The following UGGT2 variants were observed in gnomAD, a reference collection of about 807,000 sequenced individuals.
The protein encoded by UGGT2 is UDP-glucose glycoprotein glucosyltransferase 2, also known as UDP-glucose:glycoprotein glucosyltransferase 2.
Under a neutral mutation model 192.1 loss-of-function variants are expected in UGGT2, and 180 were observed. The observed-to-expected ratio is 0.94, with a 90% CI of 0.83 to 1.06. The LOEUF (loss-of-function observed/expected upper bound fraction) is 1.06, where lower values mean the gene tolerates loss of function less well. Among genes scored for constraint, UGGT2 ranks in the 50% least tolerant of loss-of-function variants. The pLI is 0.00. For synonymous variants in UGGT2, 580 were observed against 591.0 expected (o/e 0.98, Z 0.27); for missense variants, 1,849 against 1,795.7 (o/e 1.03, Z -0.54).
rs999900142 is a variant in UGGT2, at chr13:95,882,965, AT to A, written c.3228+1525del. On this transcript the variant is annotated intron_variant, in intron 27 of 38. Transcript: ENST00000376747. ...CTGACTGATCATGGAAAAAACAGCGATTTTTTTTTTCACTTCTTATAAGATT... is the reference window on the plus strand; with the variant it reads ...CTGACTGATCATGGAAAAAACAGCGATTTTTTTTTCACTTCTTATAAGATT... 1.0e-4 allele frequency among the ~76,000 whole-genome samples: 15 copies of A among 150,022 alleles called. No homozygotes were observed. The South Asian group carries it at 1.3e-3, about 13-fold the overall frequency.
intron 10 of UGGT2, among the ~76,000 whole-genome samples, chr13:95,974,069 A>C (rs2050861446): frequency 6.6e-6 from 1 of 152,210 alleles, no homozygotes; most frequent in Admixed American, 6.5e-5. Context: ...AGATTCAGAG[A>C]AAGCTTGACA....
intron 12 of UGGT2, among the ~76,000 whole-genome samples, chr13:95,965,456 T>C (rs9562002): frequency 0.38 from 58,073 of 151,152 alleles, 11,514 homozygotes; most frequent in Middle Eastern, 0.46. Flanking sequence ...ATGGATGAAA[T>C]TGGAAATCAT....
Position 95,970,124 on chromosome 13 carries a change from A to G in UGGT2, c.1323T>C (p.His441=). The G allele has an allele frequency of 6.2e-7, 1 of 1,607,532 alleles. No homozygotes were observed. The highest frequency in any genetic ancestry group is 8.5e-7 in the Non-Finnish European group (1 of 1,174,590). ...CATAAGCACTTACCATTATAGAAGA[A>G]TGTCGAATATCTAATACATAAGTAT... ...WEYTYVLDIR[H]SSIMWINDLE... is the part of the protein sequence containing the mutation. Residue 441 remains histidine (H), a synonymous_variant, in exon 12 of 39, where the codon CAT becomes CAC. Coordinates refer to ENST00000376747, the MANE Select transcript of UGGT2 (RefSeq NM_020121.4).
intron 4 of UGGT2, among the ~76,000 whole-genome samples, chr13:96,015,460 T>C (rs1038776209): frequency 3.3e-5 from 5 of 152,104 alleles, no homozygotes; most frequent in Non-Finnish European, 5.9e-5. Flanking sequence ...CCTGTACCTA[T>C]AGACACATAA....
intron 38 of UGGT2, among the ~76,000 whole-genome samples, chr13:95,831,615 AGTG>A (rs1474526360): frequency 6.6e-6 from 1 of 152,052 alleles, no homozygotes; most frequent in Non-Finnish European, 1.5e-5. Flanking sequence ...AGTTTGTTGA[AGTG>A]AATTGCTGGG....
intron 1 of UGGT2, among the ~76,000 whole-genome samples, chr13:96,033,280 G>T (rs1224966508): frequency 6.6e-6 from 1 of 152,200 alleles, no homozygotes; most frequent in Non-Finnish European, 1.5e-5. Context: ...GTCTAGAGTG[G>T]CAGCTGCAAA....
intron 16 of UGGT2, among the ~76,000 whole-genome samples, chr13:95,938,047 CT>C (rs1247632449): frequency 6.6e-6 from 1 of 152,144 alleles, no homozygotes; most frequent in Non-Finnish European, 1.5e-5. Flanking sequence ...GGGAATTTCC[CT>C]GCACAAGTTC....
intron 17 of UGGT2, among the ~76,000 whole-genome samples, chr13:95,929,638 C>T (rs959257794): frequency 2.0e-5 from 3 of 152,094 alleles, no homozygotes; most frequent in African/African-American, 4.8e-5. Flanking sequence ...TTAATGGGTG[C>T]GTAGTATTCC....
intron 22 of UGGT2, among the ~76,000 whole-genome samples, chr13:95,897,139 G>C (rs2047969609): frequency 6.6e-6 from 1 of 151,930 alleles, no homozygotes; most frequent in African/African-American, 2.4e-5. Context: ...CTCTGTGTTT[G>C]GGTTCCTTCT....
At chr13:95,910,668 T>C (rs147963319) in intron 20 of UGGT2, among the ~76,000 whole-genome samples, 3 of 152,166 alleles carry the variant, frequency 2.0e-5, no homozygotes, top group East Asian at 1.9e-4. Flanking sequence ...CTGTCAATAT[T>C]AGACAGATCA....
intron 2 of UGGT2, among the ~76,000 whole-genome samples, chr13:96,025,807 A>C (rs1409753628): frequency 6.6e-6 from 1 of 152,236 alleles, no homozygotes; most frequent in Non-Finnish European, 1.5e-5. Flanking sequence ...ACAAATAAGA[A>C]CTAGAAAGAA....
At chr13:95,986,512 C>T in intron 8 of UGGT2, 80 bp from the exon 9 acceptor site, 1 of 1,006,798 alleles carries the variant, frequency 9.9e-7, no homozygotes, top group South Asian at 1.5e-5. Flanking sequence ...AAATACTTGA[C>T]TCAATTCTTC....
chr13:95,825,181 T>C (rs947292720), intron 38 of UGGT2, among the ~76,000 whole-genome samples: 27 of 152,144 alleles, frequency 1.8e-4, no homozygotes, highest in African/African-American at 6.3e-4. Flanking sequence ...TCCCCTGTGG[T>C]GTGCACTTTT....
intron 13 of UGGT2, among the ~76,000 whole-genome samples, chr13:95,948,442 T>C (rs942280501): frequency 5.3e-5 from 8 of 152,054 alleles, no homozygotes; most frequent in African/African-American, 1.9e-4. Context: ...CAAAAGGAAA[T>C]AGAGATTGAA....
In UGGT2 at chr13:96,017,571, A is replaced by G. The variant is rs114458743; in HGVS notation, c.486-4090T>C. On this transcript the variant is annotated intron_variant, in intron 4 of 38. Transcript: ENST00000376747. ...CTTTATAGTAACACAAAAACAGCCT[A>G]ACACATAAAATCGGTACATACCAGT... Among the ~76,000 whole-genome samples the G allele has an allele frequency of 5.2e-3, 794 of 152,334 alleles. 11 individuals carry two copies. The highest frequency in any genetic ancestry group is 0.018 in the African/African-American group (760 of 41,568).
rs1395367015 is a variant in UGGT2, at chr13:95,855,081, G to A, written c.4009-606C>T. ...GAGGCCAGAAGTTTGAGACCAGCCTGGGCAACACAGTGAGACCCTGTCTGT... is the reference window on the plus strand; with the variant it reads ...GAGGCCAGAAGTTTGAGACCAGCCTAGGCAACACAGTGAGACCCTGTCTGT... On this transcript the variant is annotated intron_variant, in intron 34 of 38. Coordinates refer to ENST00000376747, the MANE Select transcript of UGGT2 (RefSeq NM_020121.4). Among the ~76,000 whole-genome samples, 3 of 140,646 alleles carry A rather than the reference G, an allele frequency of 2.1e-5. No homozygotes were observed. In the Admixed American group the frequency reaches 2.2e-4, roughly 10 times the overall value. The allele number at this position is 140,646 out of a possible 152,430, so 92.3% of individuals were successfully genotyped here. A position where few individuals can be genotyped will look rare whatever the true frequency, so the allele number is the denominator to read the frequency against.
At chr13:95,852,139 A>G (rs1279540367) in intron 36 of UGGT2, among the ~76,000 whole-genome samples, 1 of 152,226 alleles carries the variant, frequency 6.6e-6, no homozygotes, top group Non-Finnish European at 1.5e-5. Flanking sequence ...ATATTTTGAC[A>G]TATAATTTCC....
intron 36 of UGGT2, among the ~76,000 whole-genome samples, chr13:95,841,631 G>T (rs976170206): frequency 2.0e-4 from 30 of 152,280 alleles, no homozygotes; most frequent in African/African-American, 6.5e-4. Context: ...CAAATATTTT[G>T]TCCCATTCTA....
chr13:95,972,725 ATTAGG>A, intron 10 of UGGT2, 54 bp from the exon 11 acceptor site: 6 of 1,304,242 alleles, frequency 4.6e-6, no homozygotes, highest in South Asian at 1.2e-5. Context: ...AGTGACCTAT[ATTAGG>A]GGTCACCATA....
Sources: allele counts gnomAD v4.1 joint callset (sites outside exome capture counted in the v4.1 genomes callset), GRCh38; gene constraint gnomAD v4.1.1; transcripts MANE v1.5; gene names NCBI Gene and HGNC (gene_info 2026-07-23, HGNC 2026-07-21).